SAMD12: variants seen among roughly 807,000 people sequenced by gnomAD.
SAMD12 encodes sterile alpha motif domain-containing protein 12.
SAMD12 carries 9 observed loss-of-function variants against 15.0 expected under a neutral mutation model. The observed-to-expected ratio is 0.60, with a 90% CI of 0.36 to 1.05. SAMD12 has a LOEUF of 1.05. SAMD12 is among the 50% of genes least tolerant of loss of function. The pLI is 0.01. For missense variants in SAMD12, 230 were observed against 234.2 expected (o/e 0.98, Z 0.12); for synonymous variants, 86 against 90.1 (o/e 0.96, Z 0.25).
At chr8:118,311,162 C>T (rs2450220) in intron 4 of SAMD12, among the ~76,000 whole-genome samples, 143,811 of 152,298 alleles carry the variant, frequency 0.94, 67,989 homozygotes, top group East Asian at 1. Flanking sequence ...TGTTATCAGA[C>T]TGCAGGGAAA....
chr8:118,405,239 G>A (rs1821068080), intron 3 of SAMD12, among the ~76,000 whole-genome samples: 2 of 152,120 alleles, frequency 1.3e-5, no homozygotes, highest in African/African-American at 2.4e-5. Flanking sequence ...TTTCGAAAAT[G>A]AGTGCTCATT....
intron 4 of SAMD12, among the ~76,000 whole-genome samples, chr8:118,204,298 A>G (rs774369857): frequency 1.3e-5 from 2 of 152,176 alleles, no homozygotes; most frequent in Non-Finnish European, 1.5e-5. Context: ...CTTCTAGTCT[A>G]TGATGGGAGA....
intron 1 of SAMD12, among the ~76,000 whole-genome samples, chr8:118,583,661 T>C (rs1462216941): frequency 2.6e-5 from 4 of 152,154 alleles, no homozygotes; most frequent in Non-Finnish European, 2.9e-5. Flanking sequence ...ATGCTGGTCC[T>C]ACTCCAACCT....
chr8:118,189,966 A>AAAAAAAAAAAAAAC (rs1563685193), exon 5 of SAMD12: 1 of 151,362 alleles, frequency 6.6e-6, no homozygotes, highest in Non-Finnish European at 1.5e-5. Context: ...AAAAAAAAAA[A>AAAAAAAAAAAAAAC]AAAGAAAGAA....
chr8:118,184,556 C>T (rs923692401), downstream of SAMD12, among the ~76,000 whole-genome samples: 3 of 152,128 alleles, frequency 2.0e-5, no homozygotes, highest in Admixed American at 1.3e-4. Flanking sequence ...AGTGCAGTGG[C>T]GTGATCTCTG....
chr8:118,305,114 A>C (rs933785161), intron 4 of SAMD12, among the ~76,000 whole-genome samples: 1 of 139,956 alleles, frequency 7.1e-6, no homozygotes, highest in Non-Finnish European at 1.5e-5. Context: ...GCACCACTGC[A>C]CTACAGCCTG....
At chr8:118,321,120 A>G (rs921515321) in intron 4 of SAMD12, among the ~76,000 whole-genome samples, 15 of 137,692 alleles carry the variant, frequency 1.1e-4, no homozygotes, top group African/African-American at 3.8e-4. Flanking sequence ...TATGATATAT[A>G]TAACATATAT....
the SAMD12 span, among the ~76,000 whole-genome samples, chr8:118,167,370 G>T: frequency 6.6e-6 from 1 of 152,080 alleles, no homozygotes; most frequent in African/African-American, 2.4e-5. Context: ...GTATGCTCCT[G>T]GGCCTGGCGT....
intron 3 of SAMD12, among the ~76,000 whole-genome samples, chr8:118,437,564 G>A (rs1480501329): frequency 6.6e-6 from 1 of 152,226 alleles, no homozygotes; most frequent in East Asian, 1.9e-4. Flanking sequence ...ACATCTCTCT[G>A]AGCCAGGTAC....
intron 4 of SAMD12, among the ~76,000 whole-genome samples, chr8:118,234,710 C>CAAAAAA (rs10647591): frequency 2.7e-4 from 28 of 105,450 alleles, no homozygotes; most frequent in Non-Finnish European, 3.4e-4. Context: ...GACTCCATCT[C>CAAAAAA]AAAAAAAAAA....
the SAMD12 span, among the ~76,000 whole-genome samples, chr8:118,154,231 G>A: frequency 6.6e-6 from 1 of 151,820 alleles, no homozygotes; most frequent in African/African-American, 2.4e-5. Flanking sequence ...CCAAAATCTG[G>A]CTCCCTTTTC....
chr8:118,506,473 AT>A (rs1441070764), intron 2 of SAMD12, among the ~76,000 whole-genome samples: 5 of 152,000 alleles, frequency 3.3e-5, no homozygotes, highest in African/African-American at 1.2e-4. Context: ...CTAATTCCCA[AT>A]TTTCCACGGG....
intron 2 of SAMD12, among the ~76,000 whole-genome samples, chr8:118,496,418 A>G (rs138512558): frequency 5.3e-5 from 8 of 152,322 alleles, no homozygotes; most frequent in Non-Finnish European, 1.2e-4. Context: ...ATAAAGCTGC[A>G]TACCTGCAAC....
At chr8:118,270,851 T>C (rs1813338965) in intron 4 of SAMD12, among the ~76,000 whole-genome samples, 1 of 152,130 alleles carries the variant, frequency 6.6e-6, no homozygotes, top group South Asian at 2.1e-4. Context: ...AAAGAATGCA[T>C]AGCAAATGAA....
intron 4 of SAMD12, among the ~76,000 whole-genome samples, chr8:118,338,176 TATA>T (rs1352262929): frequency 6.6e-6 from 1 of 152,216 alleles, no homozygotes; most frequent in Non-Finnish European, 1.5e-5. Flanking sequence ...AAGCGTAATG[TATA>T]ACTACTCTAC....
intron 2 of SAMD12, among the ~76,000 whole-genome samples, chr8:118,567,892 G>GAAGGCTGTATCC (rs1826894448): frequency 6.6e-6 from 1 of 152,072 alleles, no homozygotes; most frequent in Non-Finnish European, 1.5e-5. Context: ...CTACCAGCCA[G>GAAGGCTGTATCC]TTGAAGACTA....
chr8:118,459,703 A>G (rs940880204), intron 2 of SAMD12, among the ~76,000 whole-genome samples: 7 of 152,254 alleles, frequency 4.6e-5, no homozygotes, highest in Non-Finnish European at 7.3e-5. Context: ...AGAAAACTTA[A>G]AAATGATGAC....
the SAMD12 span, among the ~76,000 whole-genome samples, chr8:118,157,049 T>C: frequency 2.0e-5 from 3 of 152,176 alleles, no homozygotes; most frequent in African/African-American, 7.2e-5. Flanking sequence ...TTTTGTTGGA[T>C]TTGAAGAGAT....
chr8:118,406,626 T>C (rs369969722), intron 3 of SAMD12, among the ~76,000 whole-genome samples: 1 of 152,140 alleles, frequency 6.6e-6, no homozygotes, highest in East Asian at 1.9e-4. Flanking sequence ...TTCACCATCA[T>C]TGTACAACAA....
Sources: gnomAD v4.1 joint callset for allele counts (sites outside exome capture counted in the v4.1 genomes callset) on GRCh38, gnomAD v4.1.1 for gene constraint, MANE v1.5 for transcripts, NCBI Gene and HGNC (gene_info 2026-07-23, HGNC 2026-07-21) for gene names.